The following CCDC74A variants were observed in gnomAD, a reference collection of about 807,000 sequenced individuals.
CCDC74A encodes coiled-coil domain containing 74A.
Under a neutral mutation model 37.6 loss-of-function variants are expected in CCDC74A, and 38 were observed. That is an observed-to-expected ratio of 1.01 (90% CI 0.78 to 1.33). The LOEUF (loss-of-function observed/expected upper bound fraction) is 1.33. Ranked by LOEUF, CCDC74A falls within the 40% of genes most tolerant of loss-of-function variation. The pLI is 0.00. For synonymous variants in CCDC74A, 134 were observed against 165.2 expected (o/e 0.81, Z 1.45); for missense variants, 340 against 403.4 (o/e 0.84, Z 1.35).
chr2:131,532,533 G>A, intron 4 of CCDC74A, 56 bp from the exon 5 acceptor site: 1 of 1,504,350 alleles, frequency 6.6e-7, no homozygotes, highest in Non-Finnish European at 8.9e-7. Context: ...TATGCTGGGT[G>A]GGTGGTTAGA....
In CCDC74A at chr2:131,529,354, T is replaced by C. The variant is rs555422112; in HGVS notation, c.251-293T>C. The C allele has an allele frequency of 1.3e-5, 8 of 594,816 alleles. No individual in the cohort carries two copies. The East Asian group carries it at 2.3e-4, about 17-fold the overall frequency. 36.8% of individuals were successfully genotyped at this position (594,816 alleles called of 1,614,324 possible). On this transcript the variant is annotated intron_variant, in intron 1 of 7. Coordinates refer to ENST00000409856, the MANE Select transcript of CCDC74A (RefSeq NM_001258306.3). The stretch of plus-strand genomic sequence containing the variant: ...AGCCAGGGGTTCCGGAGTTCACCTC[T>C]GTACCCCTAAAGCCCAGGCCCTGCC...
chr2:131,526,336 G>A (rs558748760), upstream of CCDC74A, among the ~76,000 whole-genome samples: 4 of 151,676 alleles, frequency 2.6e-5, no homozygotes, highest in Non-Finnish European at 4.4e-5. Flanking sequence ...TAGTAGAGAT[G>A]GGATATCACC....
intron 1 of CCDC74A, 168 bp downstream of exon 1, chr2:131,528,388 A>T (rs754337230): frequency 1.3e-6 from 2 of 1,550,240 alleles, no homozygotes; most frequent in South Asian, 2.4e-5. Context: ...CTCCTCCCAG[A>T]GGGAGACCCG....
chr2:131,528,391 G>T (rs765278611), intron 1 of CCDC74A, 171 bp downstream of exon 1: 9 of 1,550,256 alleles, frequency 5.8e-6, no homozygotes, highest in Non-Finnish European at 7.0e-6. Context: ...CTCCCAGAGG[G>T]AGACCCGCGT....
At chr2:131,532,802 G>T in intron 5 of CCDC74A, 21 bp downstream of exon 5, 1 of 1,612,962 alleles carries the variant, frequency 6.2e-7, no homozygotes, top group Non-Finnish European at 8.5e-7. Flanking sequence ...GGGTGGTGGG[G>T]GTGGCCCTGG....
chr2:131,528,430 C>T, intron 1 of CCDC74A: 3 of 1,550,516 alleles, frequency 1.9e-6, no homozygotes, highest in Non-Finnish European at 1.7e-6. Context: ...ACCCTGTCTG[C>T]CTGTCTCGTA....
chr2:131,532,391 G>T (rs552737301), intron 4 of CCDC74A, among the ~76,000 whole-genome samples, 198 bp from the exon 5 acceptor site: 240 of 149,962 alleles, frequency 1.6e-3, no homozygotes, highest in Non-Finnish European at 5.7e-4. Flanking sequence ...GACCCTTAGG[G>T]CACCTTCAGA....
At chr2:131,527,173 G>A (rs1433316435), upstream of CCDC74A, among the ~76,000 whole-genome samples, 3 of 151,704 alleles carry the variant, frequency 2.0e-5, no homozygotes, top group African/African-American at 7.3e-5. Context: ...GCAATGGCGC[G>A]ATCTTGGCTC....
upstream of CCDC74A, among the ~76,000 whole-genome samples, chr2:131,526,608 TAA>T (rs1438726036): frequency 2.0e-5 from 3 of 152,248 alleles, no homozygotes. Context: ...CTGCCATATT[TAA>T]GTCTGGCTCT....
intron 2 of CCDC74A, chr2:131,529,937 C>T (rs902838387): frequency 6.7e-6 from 10 of 1,503,022 alleles, no homozygotes; most frequent in Non-Finnish European, 8.0e-6. Context: ...GAGGTGGGCA[C>T]AGGGTGCTCC....
At chr2:131,529,127 G>A (rs1461362078) in intron 1 of CCDC74A, 2 of 208,026 alleles carry the variant, frequency 9.6e-6, no homozygotes, top group South Asian at 8.5e-5. Context: ...GCTCCAGCAA[G>A]GGCACCAGTG....
intron 2 of CCDC74A, chr2:131,530,210 C>A: frequency 1.9e-6 from 3 of 1,548,490 alleles, no homozygotes; most frequent in Non-Finnish European, 2.6e-6. Context: ...AAGGCACTTC[C>A]CCATCCTGAC....
chr2:131,529,773 C>T, intron 2 of CCDC74A, 82 bp downstream of exon 2: 1 of 1,574,570 alleles, frequency 6.4e-7, no homozygotes, highest in Non-Finnish European at 8.6e-7. Context: ...GCCCACCTGG[C>T]TGCACTGGCC....
upstream of CCDC74A, among the ~76,000 whole-genome samples, chr2:131,526,806 T>C (rs1665945177): frequency 6.6e-6 from 1 of 152,182 alleles, no homozygotes; most frequent in African/African-American, 2.4e-5. Flanking sequence ...TCCTCTAGTG[T>C]CTTAGTTTTT....
intron 1 of CCDC74A, 89 bp from the exon 2 acceptor site, chr2:131,529,558 T>A (rs1323634625): frequency 1.3e-6 from 2 of 1,577,836 alleles, no homozygotes; most frequent in South Asian, 2.2e-5. Context: ...ACTTTTGGGC[T>A]CAGCAGCCAG....
Position 131,528,533 on chromosome 2 carries a change from G to C in CCDC74A, c.250+313G>C, listed in dbSNP as rs551939797. On this transcript the variant is annotated intron_variant, in intron 1 of 7. Coordinates refer to ENST00000409856, the MANE Select transcript of CCDC74A (RefSeq NM_001258306.3). ...TGTTAAAAACTTTATAGAGGGGCCCGGGCGCGGCGGCTCACGCCTGTAATT... is the reference window on the plus strand; with the variant it reads ...TGTTAAAAACTTTATAGAGGGGCCCCGGCGCGGCGGCTCACGCCTGTAATT... The C allele has an allele frequency of 9.2e-6, 11 of 1,199,392 alleles. No individual in the cohort carries two copies. In the African/African-American group the frequency reaches 1.2e-4, roughly 13 times the overall value. 74.3% of individuals were successfully genotyped at this position (1,199,392 alleles called of 1,614,324 possible).
At chr2:131,532,027 T>C (rs1681406684) in intron 4 of CCDC74A, among the ~76,000 whole-genome samples, 1 of 150,214 alleles carries the variant, frequency 6.7e-6, no homozygotes, top group South Asian at 2.1e-4. Context: ...TCCTGCAGAG[T>C]ACCTGTGCTG....
At chr2:131,528,589 T>A in intron 1 of CCDC74A, 2 of 987,886 alleles carry the variant, frequency 2.0e-6, no homozygotes, top group Non-Finnish European at 3.1e-6. Flanking sequence ...GACGGGCGGA[T>A]CACGAGGTCA....
chr2:131,525,281 T>C (rs79529904), upstream of CCDC74A, among the ~76,000 whole-genome samples: 1,459 of 152,330 alleles, frequency 9.6e-3, 25 homozygotes, highest in African/African-American at 0.033. Context: ...AAACAAGGTC[T>C]CTCTGTGTTG....
Sources: gnomAD v4.1 joint callset for allele counts (sites outside exome capture counted in the v4.1 genomes callset) on GRCh38, gnomAD v4.1.1 for gene constraint, MANE v1.5 for transcripts, NCBI Gene and HGNC (gene_info 2026-07-23, HGNC 2026-07-21) for gene names.